GRIPAP1: variants seen among roughly 807,000 people sequenced by gnomAD.
GRIPAP1 encodes GRIP1 associated protein 1.
A neutral mutation model predicts 84.1 loss-of-function variants in GRIPAP1; 14 were observed. That is an observed-to-expected ratio of 0.17 (90% CI 0.11 to 0.26). The LOEUF is 0.26. GRIPAP1 is among the 10% of genes least tolerant of loss of function. The pLI is 1.00. For missense variants in GRIPAP1, 518 were observed against 674.2 expected, an observed-to-expected ratio of 0.77 and a Z score of 2.57; for synonymous variants, 261 against 256.8, an observed-to-expected ratio of 1.02 and a Z score of -0.15.
Position 48,983,311 on chromosome X carries a change from G to A in GRIPAP1, c.1402C>T (p.Arg468Cys), listed in dbSNP as rs2064468006. 2 of 1,211,903 alleles carry A rather than the reference G, an allele frequency of 1.7e-6. No individual in the cohort carries two copies. Among genetic ancestry groups the A allele is most frequent in the African/African-American group, 1.7e-5 (1 of 57,965 alleles). ...HEKEVLGVRARYERELRELHE... is the reference protein window; with the variant it reads ...HEKEVLGVRACYERELRELHE... ...AGCTCTCGGAGCTCACGCTCATAGC[G>A]GGCACGCACCCCCAGCACCTCCTTC... The change falls in exon 16 of 26, where the codon CGC (arginine) becomes TGC (cysteine). Residue 468 changes from arginine (R) to cysteine (C), a missense_variant. Physicochemically the swap from Arg to Cys is radical, Grantham distance 180 (BLOSUM62 -3). Around this residue, in one of 5 missense-constraint regions of GRIPAP1, gnomAD observed 372 missense variants for 458.1 expected, o/e 0.81. Coordinates refer to ENST00000376423, the MANE Select transcript of GRIPAP1 (RefSeq NM_020137.5).
Position 48,973,945 on chromosome X carries a change from G to A in GRIPAP1, c.*248C>T, listed in dbSNP as rs1414346017. 1 of 293,472 alleles carries A rather than the reference G, an allele frequency of 3.4e-6. No homozygotes were observed. Among genetic ancestry groups the A allele is most frequent in the Non-Finnish European group, 6.0e-6 (1 of 167,149 alleles). 24.2% of individuals were successfully genotyped at this position (293,472 alleles called of 1,213,427 possible). On this transcript the variant is annotated 3_prime_UTR_variant, in exon 26 of 26. Coordinates refer to ENST00000376423, the MANE Select transcript of GRIPAP1 (RefSeq NM_020137.5). ...GAGAGCTCATGCAGAGATGAAGACA[G>A]AAGCCCTTGGGAGCCAGGACCAAGA...
At chrX:48,984,622 G>A (rs1300733411) in intron 14 of GRIPAP1, among the ~76,000 whole-genome samples, 2 of 105,157 alleles carry the variant, frequency 1.9e-5, no homozygotes, top group Non-Finnish European at 3.9e-5. Context: ...GGCTGAGGCA[G>A]GAGAATCGCT....
intron 24 of GRIPAP1, 86 bp from the exon 25 acceptor site, chrX:48,975,395 T>G: frequency 1.1e-6 from 1 of 935,316 alleles, no homozygotes; most frequent in Non-Finnish European, 1.5e-6. Flanking sequence ...GGGAGACGAA[T>G]ACCAGGGGAG....
chrX:49,002,043 C>T (rs1374965950), intron 1 of GRIPAP1, 145 bp downstream of exon 1: 6 of 412,999 alleles, frequency 1.5e-5, no homozygotes, highest in Non-Finnish European at 2.6e-5. Context: ...TCTCACCACT[C>T]CGAGCCTCAG....
rs782151365 is a variant in GRIPAP1, at chrX:48,991,128, G to A, written c.458-18C>T. The A allele has an allele frequency of 7.2e-6, 8 of 1,111,603 alleles. No homozygotes were observed. Among genetic ancestry groups the A allele is most frequent in the Non-Finnish European group, 1.0e-5 (8 of 803,544 alleles). The allele number at this position is 1,111,603 out of a possible 1,213,427, so 91.6% of individuals were successfully genotyped here. A position where few individuals can be genotyped will look rare whatever the true frequency, so the allele number is the denominator to read the frequency against. On this transcript the variant is annotated intron_variant, in intron 6 of 25. Coordinates refer to ENST00000376423, the MANE Select transcript of GRIPAP1 (RefSeq NM_020137.5). ...CTGCAGGGCTGGTGAGTAGAACAGG[G>A]ATATATGATGGATGAGGTGGTCTCT...
chrX:48,979,149 C>A (rs1425089047), intron 21 of GRIPAP1, among the ~76,000 whole-genome samples: 2 of 109,476 alleles, frequency 1.8e-5, no homozygotes, highest in African/African-American at 6.7e-5. Context: ...GAAACTGAGA[C>A]CCTGGTGAAA....
At chrX:48,984,541 C>A (rs782403294) in intron 14 of GRIPAP1, among the ~76,000 whole-genome samples, 15 of 109,252 alleles carry the variant, frequency 1.4e-4, no homozygotes, top group Non-Finnish European at 2.1e-4. Context: ...CATGGTAAAA[C>A]CCCGTCTCTA....
At chrX:48,974,563 C>CCTGCT (rs2064412416) in intron 25 of GRIPAP1, among the ~76,000 whole-genome samples, 1 of 111,849 alleles carries the variant, frequency 8.9e-6, no homozygotes, top group South Asian at 3.7e-4. Context: ...ACTCTGGCCA[C>CCTGCT]CTGCTCTTCT....
At position 49,002,216 on chromosome X, in the gene GRIPAP1, A is replaced by G; in HGVS notation, c.14T>C (p.Leu5Pro). 2 of 1,170,744 alleles carry G rather than the reference A, an allele frequency of 1.7e-6. No individual in the cohort carries two copies. Among genetic ancestry groups the G allele is most frequent in the Non-Finnish European group, 2.3e-6 (2 of 863,393 alleles). MAQALSEEEFQRMQA... is the reference protein window; with the variant it reads MAQAPSEEEFQRMQA... Reference sequence around the variant, plus strand: ...CATCCGCTGAAACTCCTCCTCAGACAGAGCTTGCGCCATGTTCCTCCCCCC... The same window carrying G: ...CATCCGCTGAAACTCCTCCTCAGACGGAGCTTGCGCCATGTTCCTCCCCCC... Residue 5 changes from leucine to proline, a missense_variant, in exon 1 of 26, where the codon CTG (leucine) becomes CCG (proline). Physicochemically the swap from Leu to Pro is moderately conservative, Grantham distance 98. Transcript: ENST00000376423.
In GRIPAP1 at chrX:48,979,704, TG is replaced by T. The variant is rs1241920946; in HGVS notation, c.1931-1270del. On this transcript the variant is annotated intron_variant, in intron 21 of 25. Coordinates refer to ENST00000376423, the MANE Select transcript of GRIPAP1 (RefSeq NM_020137.5). ...TCGGCTCACTGCAACCCCTGCCTCC[TG>T]GGTTCAGGCAATTCTCCTGACTCAG... 1.1e-4 allele frequency among the ~76,000 whole-genome samples: 12 copies of T among 105,189 alleles called. No individual in the cohort carries two copies. The East Asian group carries it at 3.7e-3, about 33-fold the overall frequency. The allele number at this position is 105,189 out of a possible 115,157, so 91.3% of individuals were successfully genotyped here.
Position 48,981,809 on chromosome X carries a change from C to T in GRIPAP1, c.1663G>A (p.Ala555Thr), listed in dbSNP as rs782007532. The stretch of plus-strand genomic sequence containing the variant: ...GCGAGAGGCACCTTCAGCTCGGCAG[C>T]GTGCTGCTCCCGACACTGCTTGAGG... ...EALKQCREQH[A>T]AELKGKEEEL... The change falls in exon 18 of 26, where the codon GCT (alanine) becomes ACT (threonine). Residue 555 changes from alanine to threonine, a missense_variant. Around this residue, in one of 5 missense-constraint regions of GRIPAP1, gnomAD observed 372 missense variants for 458.1 expected, o/e 0.81. Coordinates refer to ENST00000376423, the MANE Select transcript of GRIPAP1 (RefSeq NM_020137.5). 4 of 1,176,795 alleles carry T rather than the reference C, an allele frequency of 3.4e-6. No homozygotes were observed. Among genetic ancestry groups the T allele is most frequent in the East Asian group, 6.2e-5 (2 of 32,074 alleles).
At chrX:48,995,172 C>A (rs1208801546) in intron 5 of GRIPAP1, among the ~76,000 whole-genome samples, 2 of 112,196 alleles carry the variant, frequency 1.8e-5, no homozygotes, top group Non-Finnish European at 3.8e-5. Flanking sequence ...TCTGAGAGCA[C>A]TTCCAGTTCC....
intron 12 of GRIPAP1, 120 bp from the exon 13 acceptor site, chrX:48,987,997 AC>A: frequency 1.7e-6 from 1 of 606,059 alleles, no homozygotes; most frequent in Non-Finnish European, 2.7e-6. Flanking sequence ...ACACACACAC[AC>A]ACACACACAC....
At chrX:48,984,007 T>C (rs782698492) in intron 14 of GRIPAP1, 137 bp from the exon 15 acceptor site, 16 of 484,619 alleles carry the variant, frequency 3.3e-5, no homozygotes, top group East Asian at 6.9e-5. Context: ...ATAGGAAATA[T>C]AGCAGAGACT....
intron 11 of GRIPAP1, 34 bp from the exon 12 acceptor site, chrX:48,988,232 A>AGGAGAGGCTGAG: frequency 9.7e-7 from 1 of 1,035,739 alleles, no homozygotes; most frequent in Non-Finnish European, 1.3e-6. Context: ...TTTACACCTC[A>AGGAGAGGCTGAG]GCCTCTCCTG....
At chrX:48,998,125 T>G in intron 4 of GRIPAP1, 29 bp downstream of exon 4, 1 of 1,127,793 alleles carries the variant, frequency 8.9e-7, no homozygotes, top group Non-Finnish European at 1.2e-6. Context: ...CATCTCCCAG[T>G]CACACTCACC....
rs781805526 is a variant in GRIPAP1, at chrX:48,976,132, C to A, written c.2185-21G>T. The A allele has an allele frequency of 3.2e-5, 39 of 1,205,276 alleles. No individual in the cohort carries two copies. The South Asian group carries it at 6.4e-4, about 20-fold the overall frequency. On this transcript the variant is annotated intron_variant, in intron 23 of 25. Transcript: ENST00000376423. ...TTCACCTGCAAGATGGCCCAGCCCA[C>A]CTGAGACCCCTCTACTGTACATGTT...
intron 5 of GRIPAP1, among the ~76,000 whole-genome samples, chrX:48,995,228 G>A (rs907787772): frequency 1.1e-4 from 12 of 112,038 alleles, no homozygotes; most frequent in Non-Finnish European, 1.9e-4. Context: ...AAGTCTCTAC[G>A]ACTAGCCCAG....
Position 48,999,510 on chromosome X carries a change from G to C in GRIPAP1, c.43-6C>G, listed in dbSNP as rs782739620. 1.4e-5 allele frequency: 17 copies of C among 1,186,935 alleles called. No individual in the cohort carries two copies. The highest frequency in any genetic ancestry group is 5.9e-5 in the East Asian group (2 of 33,671). On this transcript the variant is annotated splice_polypyrimidine_tract_variant and splice_region_variant and intron_variant, in intron 1 of 25. Transcript: ENST00000376423. ...CGGAGTTCCAGGAGCTGAGCCTTTGGGGGAGGCAGGAAGGGAAAAGACTTG... is the reference window on the plus strand; with the variant it reads ...CGGAGTTCCAGGAGCTGAGCCTTTGCGGGAGGCAGGAAGGGAAAAGACTTG...
Sources: gnomAD v4.1 joint callset for allele counts (sites outside exome capture counted in the v4.1 genomes callset) on GRCh38, gnomAD v4.1.1 for gene constraint, gnomAD v4.1.1 regional missense constraint, MANE v1.5 for transcripts, NCBI Gene and HGNC (gene_info 2026-07-23, HGNC 2026-07-21) for gene names.